ABCA13: variants seen among roughly 807,000 people sequenced by gnomAD.
ABCA13 encodes the protein ATP-binding cassette sub-family A member 13.
ABCA13 carries 476 observed loss-of-function variants against 478.7 expected under a neutral mutation model. The ratio of observed to expected loss-of-function variants is 0.99; its 90% confidence interval spans 0.92 to 1.07. The LOEUF (loss-of-function observed/expected upper bound fraction) is 1.07. ABCA13 is among the 50% of genes least tolerant of loss of function. ABCA13 has a pLI of 0.00. For missense variants in ABCA13, 6,060 were observed against 5,910.6 expected, an observed-to-expected ratio of 1.03 and a Z score of -0.83; for synonymous variants, 2,252 against 2,158.9, an observed-to-expected ratio of 1.04 and a Z score of -1.20.
intron 48 of ABCA13, 66 bp downstream of exon 48, chr7:48,489,410 A>G: frequency 7.2e-7 from 1 of 1,387,066 alleles, no homozygotes. Flanking sequence ...AAAGTGAAAG[A>G]AACAGAAAAG....
At chr7:48,535,697 G>A (rs1833521723) in intron 55 of ABCA13, among the ~76,000 whole-genome samples, 2 of 152,092 alleles carry the variant, frequency 1.3e-5, no homozygotes, top group Admixed American at 1.3e-4. Flanking sequence ...TGGCAGTGGG[G>A]GTGGGTGTGT....
chr7:48,171,621 C>A, intron 1 of ABCA13, 69 bp downstream of exon 1: 3 of 1,492,336 alleles, frequency 2.0e-6, no homozygotes, highest in South Asian at 1.2e-5. Context: ...TCTATTCTTT[C>A]CTGCCTGCCT....
At chr7:48,438,384 TAGTC>T (rs1477565220) in intron 42 of ABCA13, among the ~76,000 whole-genome samples, 3 of 152,112 alleles carry the variant, frequency 2.0e-5, no homozygotes, top group Non-Finnish European at 4.4e-5. Flanking sequence ...AAAGTTGTTT[TAGTC>T]AGTCTGTAGT....
intron 17 of ABCA13, 44 bp from the exon 18 acceptor site, chr7:48,278,050 T>C (rs1355396926): frequency 3.0e-6 from 2 of 668,090 alleles, no homozygotes; most frequent in African/African-American, 3.8e-5. Context: ...ACTGTTAATG[T>C]ATTAAAAATT....
intron 43 of ABCA13, among the ~76,000 whole-genome samples, chr7:48,455,721 G>T (rs915125298): frequency 2.6e-5 from 4 of 152,362 alleles, no homozygotes; most frequent in Middle Eastern, 6.8e-3. Context: ...CCCCACAGTT[G>T]CACACACCTC....
chr7:48,306,852 T>C (rs990157167), intron 23 of ABCA13, among the ~76,000 whole-genome samples: 2 of 152,248 alleles, frequency 1.3e-5, no homozygotes, highest in African/African-American at 2.4e-5. Context: ...TATGCGGGTA[T>C]TTTTTAGATG....
chr7:48,353,905 G>C (rs151036552), intron 31 of ABCA13, among the ~76,000 whole-genome samples: 2,684 of 152,034 alleles, frequency 0.018, 40 homozygotes, highest in Admixed American at 0.023. Context: ...TTCTTTCTTT[G>C]TAAAATGATA....
intron 59 of ABCA13, among the ~76,000 whole-genome samples, chr7:48,640,547 A>G (rs547122611): frequency 6.6e-6 from 1 of 152,186 alleles, no homozygotes; most frequent in Admixed American, 6.5e-5. Context: ...ATTTATCTCT[A>G]TTTAATCACC....
chr7:48,616,779 G>T (rs1299427290), intron 59 of ABCA13, among the ~76,000 whole-genome samples: 1 of 152,144 alleles, frequency 6.6e-6, no homozygotes, highest in Non-Finnish European at 1.5e-5. Flanking sequence ...CTAACACTTT[G>T]GGAGGATGAA....
At position 48,391,972 on chromosome 7, in the gene ABCA13, T is replaced by C; in HGVS notation, c.11706T>C (p.Asn3902=). Residue 3902 remains asparagine, a synonymous_variant, in exon 38 of 62, where the codon AAT becomes AAC. Coordinates refer to ENST00000435803, the MANE Select transcript of ABCA13 (RefSeq NM_152701.5). ...HPPTSGTIII[N]GKNLQTDLSR... is the part of the protein sequence containing the mutation. Reference sequence around the variant, plus strand: ...CCACTTCTGGAACCATCATCATCAATGGCAAGAACCTACAGACAGACCTGT... The same window carrying C: ...CCACTTCTGGAACCATCATCATCAACGGCAAGAACCTACAGACAGACCTGT... 1 of 1,613,948 alleles carries C rather than the reference T, an allele frequency of 6.2e-7. No homozygotes were observed. The highest frequency in any genetic ancestry group is 8.5e-7 in the Non-Finnish European group (1 of 1,179,866).
In ABCA13 at chr7:48,269,006, G is replaced by A. The variant is rs752540527; in HGVS notation, c.2032G>A (p.Glu678Lys). 1.9e-6 allele frequency: 3 copies of A among 1,591,970 alleles called. No homozygotes were observed. The highest frequency in any genetic ancestry group is 2.6e-6 in the Non-Finnish European group (3 of 1,162,894). Reference sequence around the variant, plus strand: ...TTTTCCTGAGGAATCTCCTTGTTTTGAAGAAAACATGGATTGGAAAATGAT... The same window carrying A: ...TTTTCCTGAGGAATCTCCTTGTTTTAAAGAAAACATGGATTGGAAAATGAT... ...LAFPEESPCF[E>K]ENMDWKMISD... is the part of the protein sequence containing the mutation. The change falls in exon 16 of 62, where the codon GAA becomes AAA. Residue 678 changes from glutamate (E) to lysine (K), a missense_variant. Glu to Lys is a moderately conservative substitution (Grantham distance 56). This residue lies in a region of ABCA13 where 4,423 missense variants were observed against 4,309.1 expected (regional missense o/e 1.03). Transcript: ENST00000435803.
intron 16 of ABCA13, among the ~76,000 whole-genome samples, chr7:48,270,369 T>C (rs1795433225): frequency 6.6e-6 from 1 of 151,844 alleles, no homozygotes; most frequent in Admixed American, 6.6e-5. Flanking sequence ...ATTACTAAAG[T>C]AATATAAAAA....
intron 20 of ABCA13, among the ~76,000 whole-genome samples, chr7:48,294,777 G>A (rs1217731786): frequency 1.3e-5 from 2 of 152,192 alleles, no homozygotes; most frequent in African/African-American, 4.8e-5. Flanking sequence ...TAAAAAGTTT[G>A]ACTCTACATG....
intron 41 of ABCA13, among the ~76,000 whole-genome samples, chr7:48,418,258 C>T (rs1820296084): frequency 6.6e-6 from 1 of 152,180 alleles, no homozygotes; most frequent in Non-Finnish European, 1.5e-5. Context: ...TAAGAAACTG[C>T]CAAACTGTCA....
Position 48,647,272 on chromosome 7 carries a change from C to G in ABCA13, c.*1760C>G, listed in dbSNP as rs1229605170. 2.0e-5 allele frequency: 3 copies of G among 152,250 alleles called. No homozygotes were observed. Among genetic ancestry groups the G allele is most frequent in the Admixed American group, 6.5e-5 (1 of 15,298 alleles). The allele number at this position is 152,250 out of a possible 1,614,324, so 9.4% of individuals were successfully genotyped here. ...TAAGGATTAAGACAATCACTGATAG[C>G]TTTGTTGTGAGCAATTTTGATTCCC... On this transcript the variant is annotated 3_prime_UTR_variant, in exon 62 of 62. Coordinates refer to ENST00000435803, the MANE Select transcript of ABCA13 (RefSeq NM_152701.5).
chr7:48,245,446 T>C, intron 11 of ABCA13, 66 bp from the exon 12 acceptor site: 2 of 1,229,862 alleles, frequency 1.6e-6, no homozygotes, highest in Non-Finnish European at 2.3e-6. Flanking sequence ...TATTGATTCA[T>C]GGCCATGTAT....
At chr7:48,282,827 G>A (rs1402490953) in intron 19 of ABCA13, among the ~76,000 whole-genome samples, 1 of 152,170 alleles carries the variant, frequency 6.6e-6, no homozygotes, top group Admixed American at 6.5e-5. Context: ...TGATGAACAT[G>A]TGTCTCTTCT....
chr7:48,631,231 C>T (rs968541559), intron 59 of ABCA13, among the ~76,000 whole-genome samples: 2 of 152,020 alleles, frequency 1.3e-5, no homozygotes, highest in African/African-American at 4.8e-5. Context: ...AATTCTTTGT[C>T]AAGGCTGATG....
At chr7:48,360,814 A>G (rs1177129452) in intron 31 of ABCA13, among the ~76,000 whole-genome samples, 1 of 151,992 alleles carries the variant, frequency 6.6e-6, no homozygotes, top group Non-Finnish European at 1.5e-5. Context: ...TAATCGCATG[A>G]CATATGTAGT....
Sources: gnomAD v4.1 joint callset for allele counts (sites outside exome capture counted in the v4.1 genomes callset) on GRCh38, gnomAD v4.1.1 for gene constraint, gnomAD v4.1.1 regional missense constraint, MANE v1.5 for transcripts, NCBI Gene and HGNC (gene_info 2026-07-23, HGNC 2026-07-21) for gene names.